PBX3: variants seen among roughly 807,000 people sequenced by gnomAD.
PBX3 encodes PBX homeobox 3.
Under a neutral mutation model 48.5 loss-of-function variants are expected in PBX3, and 14 were observed. The ratio of observed to expected loss-of-function variants is 0.29; its 90% CI spans 0.19 to 0.45. The LOEUF (loss-of-function observed/expected upper bound fraction) is 0.45. Among genes scored for constraint, PBX3 ranks in the 20% least tolerant of loss-of-function variants. The pLI is 1.00. For missense variants in PBX3, 386 were observed against 546.7 expected (o/e 0.71, Z 2.93); for synonymous variants, 210 against 200.3 (o/e 1.05, Z -0.41).
intron 2 of PBX3, among the ~76,000 whole-genome samples, chr9:125,871,478 G>A (rs1037327481): frequency 6.6e-6 from 1 of 152,032 alleles, no homozygotes; most frequent in Non-Finnish European, 1.5e-5. Flanking sequence ...ACACAGCAAT[G>A]AGTAGGAATG....
intron 2 of PBX3, among the ~76,000 whole-genome samples, chr9:125,861,773 T>C (rs1839868263): frequency 6.6e-6 from 1 of 152,124 alleles, no homozygotes; most frequent in Non-Finnish European, 1.5e-5. Flanking sequence ...AAGGCAAATC[T>C]AATAGAGAAA....
intron 2 of PBX3, among the ~76,000 whole-genome samples, chr9:125,887,438 A>G (rs1454855606): frequency 6.6e-6 from 1 of 152,200 alleles, no homozygotes; most frequent in East Asian, 1.9e-4. Context: ...GTGGTTGCCA[A>G]TTTAAAATAA....
At chr9:125,847,759 T>C (rs1230301176) in intron 2 of PBX3, among the ~76,000 whole-genome samples, 2 of 151,630 alleles carry the variant, frequency 1.3e-5, no homozygotes, top group Non-Finnish European at 2.9e-5. Context: ...GAGCAAAATA[T>C]GGTCTAGGGA....
chr9:125,912,777 G>A (rs767179877), intron 2 of PBX3, among the ~76,000 whole-genome samples: 27 of 152,080 alleles, frequency 1.8e-4, no homozygotes, highest in Middle Eastern at 3.2e-3. Context: ...GTTTTACCAT[G>A]TTTCAATTTG....
intron 2 of PBX3, among the ~76,000 whole-genome samples, chr9:125,764,973 A>G (rs58698098): frequency 0.036 from 5,485 of 151,600 alleles, 347 homozygotes; most frequent in African/African-American, 0.12. Flanking sequence ...GAGTCTAGCC[A>G]TCTAAGAAAT....
intron 5 of PBX3, among the ~76,000 whole-genome samples, chr9:125,937,899 G>A (rs1338953949): frequency 6.6e-6 from 1 of 152,064 alleles, no homozygotes; most frequent in Non-Finnish European, 1.5e-5. Context: ...GGCCTCAAGT[G>A]ATCCTCCAGC....
At chr9:125,843,797 G>A (rs1444494453) in intron 2 of PBX3, 4 of 455,712 alleles carry the variant, frequency 8.8e-6, no homozygotes, top group African/African-American at 4.0e-5. Flanking sequence ...CTGAGAGAAC[G>A]TCTGGGAGAT....
At chr9:125,901,782 C>A (rs1157533116) in intron 2 of PBX3, among the ~76,000 whole-genome samples, 1 of 151,602 alleles carries the variant, frequency 6.6e-6, no homozygotes, top group East Asian at 1.9e-4. Context: ...AGGTAGTAAT[C>A]AATTTGAATC....
At chr9:125,872,742 A>G (rs1840156301) in intron 2 of PBX3, among the ~76,000 whole-genome samples, 4 of 151,874 alleles carry the variant, frequency 2.6e-5, no homozygotes, top group Admixed American at 2.6e-4. Context: ...CCTAGGTGAA[A>G]GAGTGAGATC....
At chr9:125,869,217 A>C in intron 2 of PBX3, among the ~76,000 whole-genome samples, 1 of 152,218 alleles carries the variant, frequency 6.6e-6, no homozygotes, top group Non-Finnish European at 1.5e-5. Context: ...GATATGAAGA[A>C]ATTACCTAGC....
intron 2 of PBX3, among the ~76,000 whole-genome samples, chr9:125,778,918 GCCATTTTAA>G (rs1837157641): frequency 7.5e-6 from 1 of 134,050 alleles, no homozygotes; most frequent in South Asian, 2.5e-4. Context: ...TCACAAAAAT[GCCATTTTAA>G]CCATTTTAAG....
chr9:125,761,824 A>G (rs773553936), intron 2 of PBX3, among the ~76,000 whole-genome samples: 1 of 152,170 alleles, frequency 6.6e-6, no homozygotes, highest in Non-Finnish European at 1.5e-5. Flanking sequence ...GGTAGTTATT[A>G]GTATAAAGAG....
At chr9:125,871,400 A>G (rs1031643935) in intron 2 of PBX3, among the ~76,000 whole-genome samples, 4 of 149,904 alleles carry the variant, frequency 2.7e-5, no homozygotes, top group African/African-American at 7.3e-5. Context: ...AAAAAAATCT[A>G]AAAAAACCCA....
chr9:125,834,485 C>T (rs1839061526), intron 2 of PBX3, among the ~76,000 whole-genome samples: 1 of 151,834 alleles, frequency 6.6e-6, no homozygotes, highest in Non-Finnish European at 1.5e-5. Flanking sequence ...GCAACCTCCA[C>T]CTCCCAGGCT....
intron 2 of PBX3, among the ~76,000 whole-genome samples, chr9:125,760,837 T>G (rs1388084874): frequency 1.3e-5 from 2 of 152,238 alleles, no homozygotes; most frequent in African/African-American, 4.8e-5. Context: ...TTTTCTTGAT[T>G]AAGCCACGTT....
Position 125,834,673 on chromosome 9 carries a change from C to T in PBX3, c.275-81013C>T, listed in dbSNP as rs569281178. On this transcript the variant is annotated intron_variant, in intron 2 of 8. Transcript: ENST00000373489. ...TCTGCCTCCCAAAGTGCTGGGATTACAGGCATGAGCCACCTCACCCGACCA... is the reference window on the plus strand; with the variant it reads ...TCTGCCTCCCAAAGTGCTGGGATTATAGGCATGAGCCACCTCACCCGACCA... Among the ~76,000 whole-genome samples, 4 of 151,274 alleles carry T rather than the reference C, an allele frequency of 2.6e-5. No homozygotes were observed. In the South Asian group the frequency reaches 8.4e-4, roughly 32 times the overall value.
intron 5 of PBX3, chr9:125,949,375 CAG>C (rs1211195708): frequency 2.6e-5 from 40 of 1,550,626 alleles, no homozygotes; most frequent in East Asian, 7.3e-5. Context: ...GCCGGGCATA[CAG>C]AGTCTTGTAA....
chr9:125,953,706 T>C (rs770323400), intron 5 of PBX3, among the ~76,000 whole-genome samples: 1 of 152,208 alleles, frequency 6.6e-6, no homozygotes, highest in Non-Finnish European at 1.5e-5. Context: ...TCTGTGTAGC[T>C]ACAAAAGGTC....
intron 8 of PBX3, among the ~76,000 whole-genome samples, chr9:125,964,578 C>T (rs528956861): frequency 4.3e-4 from 65 of 151,518 alleles, no homozygotes; most frequent in African/African-American, 1.6e-3. Flanking sequence ...TGCCTCAAGC[C>T]TGGAAAATCC....
Sources: allele counts gnomAD v4.1 joint callset (sites outside exome capture counted in the v4.1 genomes callset), GRCh38; gene constraint gnomAD v4.1.1; transcripts MANE v1.5; gene names NCBI Gene and HGNC (gene_info 2026-07-23, HGNC 2026-07-21).